Variants in ZFHX3 observed in about 807,000 individuals in gnomAD.
ZFHX3 encodes zinc finger homeobox 3.
A neutral mutation model predicts 279.1 loss-of-function variants in ZFHX3; 42 were observed. That is an observed-to-expected ratio of 0.15 (90% CI 0.12 to 0.19). The LOEUF (loss-of-function observed/expected upper bound fraction) is 0.19. Among genes scored for constraint, ZFHX3 ranks in the 10% least tolerant of loss-of-function variants. The pLI, the probability that ZFHX3 is intolerant of heterozygous loss-of-function variation, is 1.00. For missense variants in ZFHX3, 4,981 were observed against 4,754.0 expected (o/e 1.05, Z -1.40); for synonymous variants, 2,293 against 1,957.8 (o/e 1.17, Z -4.52).
In ZFHX3 at chr16:73,557,094, C is replaced by CAAAAAA. The variant is rs397766441; in HGVS notation, c.-1546-100842_-1546-100837dup. On this transcript the variant is annotated intron_variant, in intron 2 of 17. Transcript: ENST00000641206. The stretch of plus-strand genomic sequence containing the variant: ...TGGGGGACAGAGCAAGACTCCGTCT[C>CAAAAAA]AAAAAAAAAAAAAAAAAAAAAAAAA... Among the ~76,000 whole-genome samples the CAAAAAA allele has an allele frequency of 4.7e-4, 32 of 68,556 alleles. 6 individuals are homozygous for CAAAAAA. In the South Asian group the frequency reaches 0.016, roughly 34 times the overall value. The allele number at this position is 68,556 out of a possible 152,430, so 45.0% of individuals were successfully genotyped here.
chr16:73,743,454 G>A (rs542396273), intron 1 of ZFHX3, among the ~76,000 whole-genome samples: 1 of 152,282 alleles, frequency 6.6e-6, no homozygotes, highest in South Asian at 2.1e-4. Flanking sequence ...GCATTTTCAT[G>A]TAATAGCTAT....
chr16:73,352,474 C>CT (rs35974156), intron 3 of ZFHX3, among the ~76,000 whole-genome samples: 667 of 53,274 alleles, frequency 0.013, 65 homozygotes, highest in East Asian at 0.031. Flanking sequence ...CTCTCTCTCT[C>CT]TTTTTTTTTT....
intron 1 of ZFHX3, among the ~76,000 whole-genome samples, chr16:73,694,162 A>C (rs1445868070): frequency 6.6e-6 from 1 of 151,890 alleles, no homozygotes; most frequent in Non-Finnish European, 1.5e-5. Flanking sequence ...ATCTCTACCA[A>C]AAATATAAAA....
At chr16:72,918,918 G>T (rs535434175) in intron 3 of ZFHX3, among the ~76,000 whole-genome samples, 1 of 151,890 alleles carries the variant, frequency 6.6e-6, no homozygotes, top group African/African-American at 2.4e-5. Context: ...GGATGGTCTC[G>T]ATCTCCTGAC....
chr16:73,833,611 G>T (rs547757293), intron 1 of ZFHX3, among the ~76,000 whole-genome samples: 13 of 151,906 alleles, frequency 8.6e-5, no homozygotes, highest in African/African-American at 3.1e-4. Flanking sequence ...TCGGGGGTTG[G>T]GGGGCAAGGG....
intron 4 of ZFHX3, among the ~76,000 whole-genome samples, chr16:72,867,723 GA>G (rs10577267): frequency 2.0e-4 from 30 of 147,990 alleles, no homozygotes; most frequent in East Asian, 5.9e-4. Context: ...TTTGACAGGG[GA>G]AAAAAAAAAA....
intron 3 of ZFHX3, among the ~76,000 whole-genome samples, chr16:72,922,776 T>C (rs1225803182): frequency 1.3e-5 from 2 of 152,198 alleles, no homozygotes; most frequent in Admixed American, 6.5e-5. Flanking sequence ...ATATTCTATT[T>C]TAGGATATCT....
At chr16:73,231,077 T>A (rs2012757476) in intron 5 of ZFHX3, among the ~76,000 whole-genome samples, 1 of 151,936 alleles carries the variant, frequency 6.6e-6, no homozygotes, top group Non-Finnish European at 1.5e-5. Flanking sequence ...TGGGGAGAGA[T>A]GAAAGGAGCC....
At chr16:73,313,267 G>T (rs2015369809) in intron 4 of ZFHX3, among the ~76,000 whole-genome samples, 1 of 152,176 alleles carries the variant, frequency 6.6e-6, no homozygotes, top group African/African-American at 2.4e-5. Flanking sequence ...GTGGAACTAT[G>T]AGTCAATTAA....
chr16:73,638,152 G>C (rs1252331069), intron 2 of ZFHX3, among the ~76,000 whole-genome samples: 3 of 152,132 alleles, frequency 2.0e-5, no homozygotes, highest in African/African-American at 4.8e-5. Flanking sequence ...CATTCTTAGA[G>C]AATTTTATTC....
chr16:73,883,030 T>TTA (rs1567439396), intron 1 of ZFHX3, among the ~76,000 whole-genome samples: 1 of 147,750 alleles, frequency 6.8e-6, no homozygotes, highest in Admixed American at 6.7e-5. Context: ...TCAAGCTTTT[T>TTA]AAAAAAAAAA....
intron 8 of ZFHX3, among the ~76,000 whole-genome samples, chr16:73,066,600 AC>A (rs1645297945): frequency 1.3e-5 from 2 of 150,642 alleles, no homozygotes; most frequent in Non-Finnish European, 3.0e-5. Context: ...GGGCGGGGAA[AC>A]AGGCCCGGGC....
intron 8 of ZFHX3, among the ~76,000 whole-genome samples, chr16:73,088,321 T>G (rs1258042268): frequency 1.3e-5 from 2 of 151,996 alleles, no homozygotes; most frequent in Non-Finnish European, 1.5e-5. Context: ...AATTTTTGTA[T>G]TTTGTATTTT....
chr16:73,077,258 T>C (rs1238823722), intron 8 of ZFHX3, among the ~76,000 whole-genome samples: 2 of 152,208 alleles, frequency 1.3e-5, no homozygotes, highest in African/African-American at 4.8e-5. Flanking sequence ...TGTTACTCTT[T>C]CACAGAAGGA....
At chr16:73,815,096 T>G (rs555740579) in intron 1 of ZFHX3, among the ~76,000 whole-genome samples, 1 of 152,362 alleles carries the variant, frequency 6.6e-6, no homozygotes, top group Non-Finnish European at 1.5e-5. Flanking sequence ...TGCAAAGCAC[T>G]TAACCCAAAG....
At chr16:73,019,343 C>CGTGTGT (rs112184906) in intron 1 of ZFHX3, among the ~76,000 whole-genome samples, 33 of 150,068 alleles carry the variant, frequency 2.2e-4, no homozygotes, top group Non-Finnish European at 3.6e-4. Context: ...TGTGTCTGTG[C>CGTGTGT]GTGTGTGTGT....
At chr16:73,627,229 C>T (rs574693027) in intron 2 of ZFHX3, among the ~76,000 whole-genome samples, 1 of 152,310 alleles carries the variant, frequency 6.6e-6, no homozygotes, top group Admixed American at 6.5e-5. Context: ...GTGCTCCAAA[C>T]TGTCTGTGAT....
At chr16:72,828,209 T>C (rs1011119483) in intron 5 of ZFHX3, among the ~76,000 whole-genome samples, 1 of 152,152 alleles carries the variant, frequency 6.6e-6, no homozygotes, top group African/African-American at 2.4e-5. Flanking sequence ...AAAGTAAACA[T>C]TTTCTCAAAA....
intron 3 of ZFHX3, among the ~76,000 whole-genome samples, chr16:73,423,566 G>C (rs2017757400): frequency 6.6e-6 from 1 of 152,158 alleles, no homozygotes; most frequent in Non-Finnish European, 1.5e-5. Context: ...TTGCTGTTAA[G>C]AGGTTTAGAA....
Sources: gnomAD v4.1 joint callset for allele counts (sites outside exome capture counted in the v4.1 genomes callset) on GRCh38, gnomAD v4.1.1 for gene constraint, MANE v1.5 for transcripts, NCBI Gene and HGNC (gene_info 2026-07-23, HGNC 2026-07-21) for gene names.